The following POF1B variants were observed in gnomAD, a reference collection of about 807,000 sequenced individuals.
The protein encoded by POF1B is protein POF1B.
In POF1B, 53 loss-of-function variants were observed where a neutral mutation model predicts 55.3. The ratio of observed to expected loss-of-function variants is 0.96; its 90% confidence interval spans 0.77 to 1.20. POF1B has a LOEUF of 1.20. POF1B is among the 50% of genes most tolerant of loss of function. The probability of loss-of-function intolerance (pLI) is 0.00; values close to 1 mark genes in which losing one functional copy is unlikely to be tolerated. For missense variants in POF1B, 478 were observed against 420.5 expected (o/e 1.14, Z -1.20); for synonymous variants, 188 against 148.3 (o/e 1.27, Z -1.95).
chrX:85,323,846 G>T (rs965487876), intron 7 of POF1B, among the ~76,000 whole-genome samples: 2 of 110,805 alleles, frequency 1.8e-5, no homozygotes, highest in African/African-American at 3.3e-5. Context: ...TTTGATATGG[G>T]AGGTTAGTAC....
intron 10 of POF1B, 77 bp downstream of exon 10, chrX:85,308,047 T>C (rs1932615015): frequency 1.7e-6 from 1 of 577,288 alleles, no homozygotes; most frequent in Non-Finnish European, 2.7e-6. Context: ...TTTAAAAACA[T>C]ATACTGGACA....
rs370604773 is a variant in POF1B, at chrX:85,323,037, C to T, written c.855-7303G>A. ...TCAACCATTGTGGAAGTCAGTGTGG[C>T]GATTCCTCCGGGATCTAGAACTAGA... On this transcript the variant is annotated intron_variant, in intron 7 of 16. Coordinates refer to ENST00000262753, the MANE Select transcript of POF1B (RefSeq NM_024921.4). 7.4e-4 allele frequency among the ~76,000 whole-genome samples: 82 copies of T among 110,242 alleles called. No homozygotes were observed. In the South Asian group the frequency reaches 0.019, roughly 26 times the overall value.
chrX:85,309,290 G>T (rs1255003014), intron 9 of POF1B, among the ~76,000 whole-genome samples: 1 of 106,847 alleles, frequency 9.4e-6, no homozygotes, highest in Non-Finnish European at 1.9e-5. Flanking sequence ...TGAGCCAATT[G>T]CTCAGCCCAC....
intron 11 of POF1B, 31 bp downstream of exon 11, chrX:85,307,132 T>C (rs752517211): frequency 3.8e-6 from 4 of 1,048,345 alleles, no homozygotes. Flanking sequence ...GCTATCAATG[T>C]AGATTAACAC....
intron 15 of POF1B, among the ~76,000 whole-genome samples, chrX:85,283,745 C>A (rs747613917): frequency 8.2e-5 from 9 of 110,228 alleles, no homozygotes; most frequent in Non-Finnish European, 1.5e-4. Flanking sequence ...TACAGAGAGG[C>A]ACATCATTAT....
intron 8 of POF1B, among the ~76,000 whole-genome samples, chrX:85,315,216 G>T (rs1191749300): frequency 9.0e-6 from 1 of 111,631 alleles, no homozygotes; most frequent in Non-Finnish European, 1.9e-5. Flanking sequence ...AAGCAATTAA[G>T]ATAATATGCA....
At chrX:85,284,557 A>G (rs1299789199) in intron 15 of POF1B, among the ~76,000 whole-genome samples, 1 of 112,040 alleles carries the variant, frequency 8.9e-6, no homozygotes, top group Non-Finnish European at 1.9e-5. Flanking sequence ...AAATGGGGAA[A>G]GGATTCCCTT....
At chrX:85,300,389 G>T (rs1932417541) in intron 15 of POF1B, among the ~76,000 whole-genome samples, 1 of 112,000 alleles carries the variant, frequency 8.9e-6, no homozygotes, top group Non-Finnish European at 1.9e-5. Flanking sequence ...AAAACTAGGA[G>T]ACTTACTAGT....
In POF1B at chrX:85,303,447, G is replaced by T. The variant is rs376084768; in HGVS notation, c.1608C>A (p.Asn536Lys). ...TAGTCCTTCCACCAGTGGAGGGTTG[G>T]TTATGAGAGGAATATATTTCTTGCC... ...KLRQEIYSSH[N>K]QPSTGGRTTI... The change falls in exon 15 of 17, where the codon AAC becomes AAA. Residue 536 changes from asparagine to lysine, a missense_variant. By Grantham distance (94) the Asn-to-Lys change is moderately conservative (BLOSUM62 0). Coordinates refer to ENST00000262753, the MANE Select transcript of POF1B (RefSeq NM_024921.4). 1.3e-5 allele frequency: 15 copies of T among 1,191,384 alleles called. No individual in the cohort carries two copies. The highest frequency in any genetic ancestry group is 1.1e-4 in the African/African-American group (6 of 56,388).
At chrX:85,308,273 T>C in intron 9 of POF1B, 57 bp from the exon 10 acceptor site, 1 of 834,527 alleles carries the variant, frequency 1.2e-6, no homozygotes, top group Non-Finnish European at 1.7e-6. Flanking sequence ...ATAGGCAATA[T>C]AAGTGAAAGT....
At chrX:85,339,966 A>G (rs1933143204) in intron 6 of POF1B, among the ~76,000 whole-genome samples, 1 of 110,976 alleles carries the variant, frequency 9.0e-6, no homozygotes, top group Non-Finnish European at 1.9e-5. Context: ...AGGCCCCAGC[A>G]ATCTCTCCTT....
chrX:85,365,599 T>A (rs1247803642), intron 3 of POF1B, among the ~76,000 whole-genome samples: 1 of 111,784 alleles, frequency 8.9e-6, no homozygotes, highest in Non-Finnish European at 1.9e-5. Flanking sequence ...AGGCTCTTGC[T>A]CTGTCCTGTT....
intron 7 of POF1B, among the ~76,000 whole-genome samples, chrX:85,320,816 C>G (rs1932829811): frequency 9.0e-6 from 1 of 111,606 alleles, no homozygotes; most frequent in South Asian, 3.7e-4. Context: ...ACAAACACCT[C>G]TACACAAATA....
At chrX:85,319,029 C>T (rs1308518164) in intron 7 of POF1B, among the ~76,000 whole-genome samples, 4 of 111,005 alleles carry the variant, frequency 3.6e-5, no homozygotes, top group South Asian at 3.7e-4. Flanking sequence ...TTGTTGGTGT[C>T]GTCTCTGATT....
At chrX:85,361,750 T>C (rs1933623660) in intron 3 of POF1B, among the ~76,000 whole-genome samples, 2 of 111,720 alleles carry the variant, frequency 1.8e-5, no homozygotes, top group Admixed American at 1.9e-4. Context: ...CTGTGAAGAA[T>C]ATCCTTGGTA....
chrX:85,367,712 T>C lies in POF1B; in HGVS notation c.337A>G (p.Ile113Val), dbSNP rs139075010. The change falls in exon 3 of 17, where the codon ATA becomes GTA. Residue 113 changes from isoleucine to valine, a missense_variant. Ile to Val is a conservative substitution (Grantham distance 29). Transcript: ENST00000262753. ...TTTACCTGTTCAGTATTTTGGGTTA[T>C]ATGTAGAGTACTTGGGGCACATGTA... ...ISTCAPSTLH[I>V]TQNTEQELHS... 3.0e-5 allele frequency: 35 copies of C among 1,172,042 alleles called. No individual in the cohort carries two copies. In the African/African-American group the frequency reaches 5.9e-4, roughly 20 times the overall value.
intron 15 of POF1B, among the ~76,000 whole-genome samples, chrX:85,300,917 G>A (rs1456291848): frequency 2.7e-5 from 3 of 111,947 alleles, no homozygotes; most frequent in African/African-American, 9.7e-5. Flanking sequence ...CTCAACAGCC[G>A]ATGTAAGCAA....
At chrX:85,323,380 G>A (rs1932860620) in intron 7 of POF1B, among the ~76,000 whole-genome samples, 1 of 104,586 alleles carries the variant, frequency 9.6e-6, no homozygotes, top group Non-Finnish European at 2.0e-5. Flanking sequence ...TCACTGGTAG[G>A]TAGGAATTGA....
chrX:85,330,818 T>TA (rs959782552), intron 7 of POF1B, 131 bp downstream of exon 7: 32 of 596,360 alleles, frequency 5.4e-5, no homozygotes, highest in African/African-American at 2.1e-4. Context: ...AAAGTATAAT[T>TA]AAAAAAAATA....
Sources: allele counts gnomAD v4.1 joint callset (sites outside exome capture counted in the v4.1 genomes callset), GRCh38; gene constraint gnomAD v4.1.1; transcripts MANE v1.5; gene names NCBI Gene and HGNC (gene_info 2026-07-23, HGNC 2026-07-21).